PPP2R2C: variants seen among roughly 807,000 people sequenced by gnomAD.
PPP2R2C encodes the protein protein phosphatase 2 regulatory subunit Bgamma.
In PPP2R2C, 10 loss-of-function variants were observed where a neutral mutation model predicts 45.3. The ratio of observed to expected loss-of-function variants is 0.22; its 90% confidence interval spans 0.14 to 0.37. The LOEUF (loss-of-function observed/expected upper bound fraction) is 0.37, where lower values mean the gene tolerates loss of function less well. PPP2R2C is among the 10% of genes least tolerant of loss of function. The pLI, the probability that PPP2R2C is intolerant of heterozygous loss-of-function variation, is 1.00. For synonymous variants in PPP2R2C, 257 were observed against 245.4 expected (o/e 1.05, Z -0.44); for missense variants, 308 against 619.7 (o/e 0.50, Z 5.34).
intron 5 of PPP2R2C, among the ~76,000 whole-genome samples, chr4:6,356,960 C>T (rs1291933104): frequency 6.7e-6 from 1 of 149,570 alleles, no homozygotes; most frequent in African/African-American, 2.5e-5. Flanking sequence ...TGCTGTGGCA[C>T]CTCGGGCCAG....
intron 1 of PPP2R2C, chr4:6,381,467 C>G (rs1356696782): frequency 6.6e-6 from 9 of 1,371,804 alleles, no homozygotes; most frequent in Non-Finnish European, 8.5e-6. Context: ...CCCTGCCACC[C>G]AGGCCCCCAT....
intron 2 of PPP2R2C, among the ~76,000 whole-genome samples, chr4:6,518,064 CAAA>C (rs1183194007): frequency 6.6e-6 from 1 of 152,144 alleles, no homozygotes; most frequent in African/African-American, 2.4e-5. Flanking sequence ...ACACATGACT[CAAA>C]GAAGTCTCAA....
intron 1 of PPP2R2C, among the ~76,000 whole-genome samples, chr4:6,397,050 T>C (rs1400798202): frequency 1.3e-5 from 2 of 152,196 alleles, no homozygotes; most frequent in Non-Finnish European, 2.9e-5. Flanking sequence ...TCTGGCTCAC[T>C]CTGGGCCAAG....
intron 1 of PPP2R2C, among the ~76,000 whole-genome samples, chr4:6,428,629 C>T (rs995636999): frequency 6.6e-6 from 1 of 152,230 alleles, no homozygotes; most frequent in African/African-American, 2.4e-5. Flanking sequence ...GGAGGGTTGA[C>T]TCGTTTGGGG....
intron 1 of PPP2R2C, among the ~76,000 whole-genome samples, chr4:6,539,475 C>T (rs556653025): frequency 8.1e-4 from 124 of 152,318 alleles, no homozygotes; most frequent in African/African-American, 2.4e-3. Flanking sequence ...CACGCTTCAC[C>T]GGTCTCTCTC....
At chr4:6,418,565 T>G (rs1718751901) in intron 1 of PPP2R2C, among the ~76,000 whole-genome samples, 1 of 152,142 alleles carries the variant, frequency 6.6e-6, no homozygotes, top group South Asian at 2.1e-4. Context: ...TAGGGTGGGA[T>G]CAAATCGCCC....
chr4:6,539,474 C>CATGGTGAAG (rs1405080053), intron 1 of PPP2R2C, among the ~76,000 whole-genome samples: 1 of 152,208 alleles, frequency 6.6e-6, no homozygotes. Context: ...TCACGCTTCA[C>CATGGTGAAG]CGGTCTCTCT....
Position 6,502,832 on chromosome 4 carries a change from A to C in PPP2R2C, c.49+32439T>G, listed in dbSNP as rs1723102687. Among the ~76,000 whole-genome samples, 5 of 152,148 alleles carry C rather than the reference A, an allele frequency of 3.3e-5. No individual in the cohort carries two copies. The South Asian group carries it at 1.0e-3, about 32-fold the overall frequency. ...TTCAGGCCTCCAGTCACTGGAGCCGAAAAACCTTGGAGATGTCCTGGATGC... is the reference window on the plus strand; with the variant it reads ...TTCAGGCCTCCAGTCACTGGAGCCGCAAAACCTTGGAGATGTCCTGGATGC... On this transcript the variant is annotated intron_variant, in intron 2 of 9. Coordinates refer to the PPP2R2C transcript ENST00000506140.
At chr4:6,543,835 A>G (rs1168769229) in intron 1 of PPP2R2C, among the ~76,000 whole-genome samples, 4 of 152,158 alleles carry the variant, frequency 2.6e-5, no homozygotes, top group Non-Finnish European at 5.9e-5. Flanking sequence ...CCTAAGATAC[A>G]GCCCCAAGCA....
At chr4:6,531,719 T>C (rs1291219580) in intron 2 of PPP2R2C, among the ~76,000 whole-genome samples, 3 of 152,116 alleles carry the variant, frequency 2.0e-5, no homozygotes, top group African/African-American at 7.2e-5. Context: ...GGGGGCGAAG[T>C]TACTGTTCCA....
At chr4:6,523,146 C>A (rs1724080065) in intron 2 of PPP2R2C, among the ~76,000 whole-genome samples, 1 of 152,214 alleles carries the variant, frequency 6.6e-6, no homozygotes, top group African/African-American at 2.4e-5. Context: ...AGGACTGTGC[C>A]CTCAGAGGGG....
chr4:6,408,808 T>C (rs1024024437), intron 1 of PPP2R2C, among the ~76,000 whole-genome samples: 6 of 144,100 alleles, frequency 4.2e-5, no homozygotes, highest in African/African-American at 1.3e-4. Context: ...GCCTGGGGAG[T>C]GGACAGGGGG....
In PPP2R2C at chr4:6,323,575, G is replaced by A. The variant is rs1347933536; in HGVS notation, c.1071C>T (p.Ala357=). Residue 357 remains alanine, a synonymous_variant, in exon 9 of 9, where the codon GCC becomes GCT. Transcript: ENST00000382599. The part of the protein sequence containing the change: ...NGSDSVIMTG[A]YNNFFRMFDR... Reference sequence around the variant, plus strand: ...CGAACATGCGGAAGAAGTTGTTGTAGGCCCCGGTCATGATGACGCTGGTGG... The same window carrying A: ...CGAACATGCGGAAGAAGTTGTTGTAAGCCCCGGTCATGATGACGCTGGTGG... The A allele has an allele frequency of 3.2e-6, 5 of 1,566,568 alleles. No homozygotes were observed. Among genetic ancestry groups the A allele is most frequent in the East Asian group, 2.3e-5 (1 of 43,956 alleles).
intron 1 of PPP2R2C, among the ~76,000 whole-genome samples, chr4:6,544,887 G>T (rs556926577): frequency 6.6e-6 from 1 of 152,324 alleles, no homozygotes; most frequent in South Asian, 2.1e-4. Context: ...TTGATTCCAG[G>T]TTTATTTTGT....
At position 6,354,511 on chromosome 4, in the gene PPP2R2C, G is replaced by A. The variant is rs556661950; in HGVS notation, c.626-6501C>T. On this transcript the variant is annotated intron_variant, in intron 5 of 8. Coordinates refer to ENST00000382599, the MANE Select transcript of PPP2R2C (RefSeq NM_020416.4). ...CCGTGCCCCCACACCCCTCACACACGACCTGCCCAGAGCTGGTGCCTGGGA... is the reference window on the plus strand; with the variant it reads ...CCGTGCCCCCACACCCCTCACACACAACCTGCCCAGAGCTGGTGCCTGGGA... 6.8e-4 allele frequency among the ~76,000 whole-genome samples: 103 copies of A among 151,926 alleles called. 1 individual carries two copies. The highest frequency in any genetic ancestry group is 1.6e-3 in the African/African-American group (68 of 41,412).
chr4:6,450,428 A>G (rs935204646), intron 1 of PPP2R2C, among the ~76,000 whole-genome samples: 12 of 152,238 alleles, frequency 7.9e-5, no homozygotes, highest in Non-Finnish European at 1.8e-4. Flanking sequence ...TGGGTCACAG[A>G]AAAATCAAGC....
intron 1 of PPP2R2C, among the ~76,000 whole-genome samples, chr4:6,409,211 A>C (rs1369439977): frequency 6.6e-6 from 1 of 152,244 alleles, no homozygotes; most frequent in Admixed American, 6.5e-5. Flanking sequence ...AAGGTAATTA[A>C]GGCATCATTT....
chr4:6,399,016 T>G (rs754638513), intron 1 of PPP2R2C, among the ~76,000 whole-genome samples: 1 of 152,170 alleles, frequency 6.6e-6, no homozygotes, highest in Non-Finnish European at 1.5e-5. Flanking sequence ...ATGACTCTAT[T>G]CATATGAAAT....
At chr4:6,525,285 A>T (rs1724162301) in intron 2 of PPP2R2C, among the ~76,000 whole-genome samples, 2 of 152,032 alleles carry the variant, frequency 1.3e-5, no homozygotes, top group African/African-American at 4.8e-5. Context: ...TGTGCCTGTA[A>T]TCCCAGCTAC....
Sources: gnomAD v4.1 joint callset for allele counts (sites outside exome capture counted in the v4.1 genomes callset) on GRCh38, gnomAD v4.1.1 for gene constraint, MANE v1.5 for transcripts, NCBI Gene and HGNC (gene_info 2026-07-23, HGNC 2026-07-21) for gene names.